Variants in PTPRD observed in about 807,000 individuals in gnomAD.
The protein encoded by PTPRD is protein tyrosine phosphatase receptor type D, also known as receptor-type tyrosine-protein phosphatase delta.
PTPRD carries 34 observed loss-of-function variants against 214.5 expected under a neutral mutation model. The ratio of observed to expected loss-of-function variants is 0.16; its 90% CI spans 0.12 to 0.21. The LOEUF is 0.21. Among genes scored for constraint, PTPRD ranks in the 10% least tolerant of loss-of-function variants. PTPRD has a pLI of 1.00. For missense variants in PTPRD, 2,545 were observed against 2,398.7 expected (o/e 1.06, Z -1.27); for synonymous variants, 1,128 against 845.7 (o/e 1.33, Z -5.79).
At chr9:10,440,612 G>T (rs2098752225) in intron 2 of PTPRD, among the ~76,000 whole-genome samples, 1 of 151,682 alleles carries the variant, frequency 6.6e-6, no homozygotes, top group Admixed American at 6.6e-5. Context: ...AGGAACCACA[G>T]CAAAAGTAAA....
intron 7 of PTPRD, among the ~76,000 whole-genome samples, chr9:9,708,342 C>A (rs1281408924): frequency 6.6e-6 from 1 of 151,928 alleles, no homozygotes; most frequent in Non-Finnish European, 1.5e-5. Flanking sequence ...GAGAGATCAT[C>A]CAGGGTGAAA....
intron 8 of PTPRD, among the ~76,000 whole-genome samples, chr9:9,511,791 G>A (rs1208047421): frequency 6.6e-6 from 1 of 151,498 alleles, no homozygotes; most frequent in Non-Finnish European, 1.5e-5. Flanking sequence ...TTTATTATTT[G>A]AGACATTTCT....
At chr9:8,347,241 C>T (rs921857261) in intron 39 of PTPRD, among the ~76,000 whole-genome samples, 7 of 152,040 alleles carry the variant, frequency 4.6e-5, no homozygotes, top group African/African-American at 1.7e-4. Flanking sequence ...TACATATTTA[C>T]CAGCACATAT....
chr9:9,617,121 G>T (rs2094920774), intron 7 of PTPRD, among the ~76,000 whole-genome samples: 1 of 152,106 alleles, frequency 6.6e-6, no homozygotes, highest in Non-Finnish European at 1.5e-5. Context: ...TAATTGTAAA[G>T]AATAGAATGC....
chr9:8,438,082 A>G (rs2095420748), intron 34 of PTPRD, among the ~76,000 whole-genome samples: 2 of 152,186 alleles, frequency 1.3e-5, no homozygotes, highest in South Asian at 2.1e-4. Context: ...ACTGGAAGCC[A>G]TGTGTTGACA....
At chr9:8,784,798 A>T (rs1365584462) in intron 11 of PTPRD, among the ~76,000 whole-genome samples, 28 of 152,194 alleles carry the variant, frequency 1.8e-4, no homozygotes, top group Admixed American at 1.8e-3. Flanking sequence ...GCTACTAAAA[A>T]GTTTGAAAAG....
At chr9:8,453,670 A>G (rs2096059977) in intron 33 of PTPRD, among the ~76,000 whole-genome samples, 2 of 152,240 alleles carry the variant, frequency 1.3e-5, no homozygotes, top group Admixed American at 1.3e-4. Flanking sequence ...AGTGTAAATA[A>G]TGCAGCAATA....
rs374023489 is a variant in PTPRD at position 9,482,111 on chromosome 9, G to C, written c.-236-84629C>G. Among the ~76,000 whole-genome samples, 18 of 152,112 alleles carry C rather than the reference G, an allele frequency of 1.2e-4. No individual in the cohort carries two copies. The South Asian group carries it at 3.7e-3, about 32-fold the overall frequency. On this transcript the variant is annotated intron_variant, in intron 8 of 45. Transcript: ENST00000381196. ...TCCCCGAGAAGACAGGTAAGGAAGTGATCAAGAGGTACAGACAGGTGGGCG... is the reference window on the plus strand; with the variant it reads ...TCCCCGAGAAGACAGGTAAGGAAGTCATCAAGAGGTACAGACAGGTGGGCG...
intron 11 of PTPRD, among the ~76,000 whole-genome samples, chr9:9,016,513 G>A (rs987582776): frequency 3.3e-5 from 5 of 152,100 alleles, no homozygotes; most frequent in African/African-American, 1.2e-4. Flanking sequence ...CCTAGTACTG[G>A]TTAAAATCGG....
intron 6 of PTPRD, among the ~76,000 whole-genome samples, chr9:9,738,311 G>A (rs1214712502): frequency 6.6e-6 from 1 of 151,932 alleles, no homozygotes; most frequent in South Asian, 2.1e-4. Flanking sequence ...GGAATGTGAT[G>A]GATCTCACTG....
chr9:9,989,408 A>T (rs908201306), intron 4 of PTPRD, among the ~76,000 whole-genome samples: 5 of 152,182 alleles, frequency 3.3e-5, no homozygotes, highest in Non-Finnish European at 5.9e-5. Flanking sequence ...AGAAGAAAAG[A>T]AGAGAAGAGA....
chr9:9,617,706 G>T (rs868687417), intron 7 of PTPRD, among the ~76,000 whole-genome samples: 1 of 152,070 alleles, frequency 6.6e-6, no homozygotes, highest in African/African-American at 2.4e-5. Context: ...CAGTGTAAGA[G>T]ATTAGGATGG....
At chr9:9,266,698 C>A (rs1485648373) in intron 9 of PTPRD, among the ~76,000 whole-genome samples, 1 of 150,888 alleles carries the variant, frequency 6.6e-6, no homozygotes. Flanking sequence ...CAGCACACCC[C>A]TGAACAACCA....
At chr9:9,857,019 G>C (rs960731092) in intron 5 of PTPRD, among the ~76,000 whole-genome samples, 3 of 152,158 alleles carry the variant, frequency 2.0e-5, no homozygotes, top group African/African-American at 4.8e-5. Context: ...GATCAGCTGT[G>C]AGCCTTGGAA....
chr9:8,539,251 T>C (rs954452808), intron 14 of PTPRD, among the ~76,000 whole-genome samples: 1 of 151,944 alleles, frequency 6.6e-6, no homozygotes, highest in Non-Finnish European at 1.5e-5. Context: ...CATAAATTTA[T>C]TAAATATAAA....
chr9:8,551,446 G>A (rs2082081508), intron 14 of PTPRD, among the ~76,000 whole-genome samples: 1 of 152,036 alleles, frequency 6.6e-6, no homozygotes, highest in African/African-American at 2.4e-5. Flanking sequence ...AGAGTATATG[G>A]CAGATCTTTT....
intron 27 of PTPRD, 92 bp from the exon 28 acceptor site, chr9:8,486,441 T>C (rs749386006): frequency 9.0e-7 from 1 of 1,108,104 alleles, no homozygotes; most frequent in Non-Finnish European, 1.4e-6. Context: ...TCTACTGGTA[T>C]TCCCATTTTC....
intron 11 of PTPRD, among the ~76,000 whole-genome samples, chr9:8,739,953 G>A (rs886986435): frequency 2.0e-5 from 3 of 152,088 alleles, no homozygotes; most frequent in Non-Finnish European, 4.4e-5. Flanking sequence ...ATTGTGAGGC[G>A]TCCCCAGCCA....
intron 35 of PTPRD, among the ~76,000 whole-genome samples, chr9:8,417,433 T>G (rs996644335): frequency 1.3e-5 from 2 of 152,154 alleles, no homozygotes; most frequent in Non-Finnish European, 2.9e-5. Flanking sequence ...CAGAAACTAC[T>G]AAGAATGGTG....
Sources: allele counts gnomAD v4.1 joint callset (sites outside exome capture counted in the v4.1 genomes callset), GRCh38; gene constraint gnomAD v4.1.1; transcripts MANE v1.5; gene names NCBI Gene and HGNC (gene_info 2026-07-23, HGNC 2026-07-21).